SLC22A25: variants seen among roughly 807,000 people sequenced by gnomAD.
SLC22A25 encodes solute carrier family 22 member 25, also known as MGI:2442751, MGI:2385316, MGI:3042283, MGI:3645714, MGI:3605624, MGI:2442750.
Under a neutral mutation model 45.9 loss-of-function variants are expected in SLC22A25, and 44 were observed. That is an observed-to-expected ratio of 0.96 (90% CI 0.75 to 1.23). The LOEUF (loss-of-function observed/expected upper bound fraction) is 1.23. SLC22A25 is among the 50% of genes most tolerant of loss of function. The pLI, the probability that SLC22A25 is intolerant of heterozygous loss-of-function variation, is 0.00. For missense variants in SLC22A25, 800 were observed against 666.4 expected, an observed-to-expected ratio of 1.20 and a Z score of -2.21; for synonymous variants, 283 against 238.6, an observed-to-expected ratio of 1.19 and a Z score of -1.72.
In SLC22A25 at chr11:63,163,416, C is replaced by T. The variant is rs1590762945; in HGVS notation, c.*408G>A. Among the ~76,000 whole-genome samples the T allele has an allele frequency of 9.2e-5, 14 of 152,244 alleles. No homozygotes were observed. The South Asian group carries it at 2.3e-3, about 25-fold the overall frequency. ...GTGGGAGGGGCTCTTATTTTCTATA[C>T]AGTCTCTCACAAATTCTTCAGTGTC... On this transcript the variant is annotated 3_prime_UTR_variant, in exon 12 of 12. Transcript: ENST00000306494.
chr11:63,207,984 C>A (rs1238685301), intron 7 of SLC22A25: 1 of 152,262 alleles, frequency 6.6e-6, no homozygotes, highest in African/African-American at 2.4e-5. Context: ...GGATGCTAAT[C>A]TGACTGGGCC....
intron 5 of SLC22A25, chr11:63,219,952 G>A (rs2089812953): frequency 1.6e-6 from 2 of 1,289,298 alleles, no homozygotes; most frequent in Non-Finnish European, 2.0e-6. Flanking sequence ...GATGCTGGTG[G>A]ATGGCAATGG....
chr11:63,174,364 G>T (rs976129734), intron 9 of SLC22A25, among the ~76,000 whole-genome samples: 1 of 152,074 alleles, frequency 6.6e-6, no homozygotes. Flanking sequence ...GCAGAGCAAT[G>T]GTCAGGCAGG....
rs1037261664 is a variant in SLC22A25, at chr11:63,229,330, G to C, written c.323C>G (p.Thr108Arg). Reference sequence around the variant, plus strand: ...ACAGGGCTCTGTATCTGGCTCACTCGTGTTGGGGAAGGTCCCATTCAGATG... The same window carrying C: ...ACAGGGCTCTGTATCTGGCTCACTCCTGTTGGGGAAGGTCCCATTCAGATG... ...LIHLNGTFPN[T>R]SEPDTEPCVD... Residue 108 changes from threonine (T) to arginine (R), a missense_variant, in exon 4 of 12, where the codon ACG (threonine) becomes AGG (arginine). Transcript: ENST00000306494. The C allele has an allele frequency of 6.2e-7, 1 of 1,612,838 alleles. No homozygotes were observed. The highest frequency in any genetic ancestry group is 8.5e-7 in the Non-Finnish European group (1 of 1,179,260).
chr11:63,210,903 G>A (rs996218715), intron 7 of SLC22A25, among the ~76,000 whole-genome samples: 2 of 152,170 alleles, frequency 1.3e-5, no homozygotes, highest in Admixed American at 6.5e-5. Flanking sequence ...GTTAGGGAGA[G>A]ACTTACTCCA....
intron 5 of SLC22A25, among the ~76,000 whole-genome samples, chr11:63,227,669 C>T (rs576014809): frequency 3.3e-5 from 5 of 152,282 alleles, no homozygotes; most frequent in Admixed American, 3.3e-4. Flanking sequence ...CTCATTAGAT[C>T]CTGTGCTCCC....
chr11:63,166,668 T>C, intron 9 of SLC22A25: 1 of 998,532 alleles, frequency 1.0e-6, no homozygotes, highest in South Asian at 4.5e-5. Context: ...GAAGCCAAAA[T>C]TTCCATTTGC....
intron 9 of SLC22A25, 83 bp downstream of exon 9, chr11:63,180,577 T>A: frequency 1.0e-6 from 1 of 992,826 alleles, no homozygotes; most frequent in South Asian, 1.8e-5. Context: ...ATATTTTCCT[T>A]CAACATGTTG....
chr11:63,182,343 G>C (rs1483190296), intron 8 of SLC22A25, among the ~76,000 whole-genome samples: 1 of 151,670 alleles, frequency 6.6e-6, no homozygotes, highest in Non-Finnish European at 1.5e-5. Flanking sequence ...TCGTTGTTTT[G>C]AATCTCCCTG....
chr11:63,239,308 G>A (rs1256217607), intron 1 of SLC22A25, among the ~76,000 whole-genome samples, 173 bp from the exon 2 acceptor site: 1 of 152,152 alleles, frequency 6.6e-6, no homozygotes, highest in Non-Finnish European at 1.5e-5. Context: ...GGATTAGATA[G>A]CAATTTTTAT....
chr11:63,202,786 A>G (rs541946134), intron 7 of SLC22A25, among the ~76,000 whole-genome samples: 3 of 152,332 alleles, frequency 2.0e-5, no homozygotes, highest in African/African-American at 7.2e-5. Context: ...TGGATCTCCG[A>G]GCACAGTGCT....
rs114126022 is a variant in SLC22A25, at chr11:63,200,037, C to T, written c.831-16220G>A. Among the ~76,000 whole-genome samples, 1,094 of 152,084 alleles carry T rather than the reference C, an allele frequency of 7.2e-3. 9 individuals carry two copies. Among genetic ancestry groups the T allele is most frequent in the African/African-American group, 0.024 (1,004 of 41,478 alleles). On this transcript the variant is annotated intron_variant, in intron 7 of 11. Transcript: ENST00000306494. ...TCACACATAACAACCAAAAAAAGCCCAGGACCTGATGGTTTCACAGCTGAA... is the reference window on the plus strand; with the variant it reads ...TCACACATAACAACCAAAAAAAGCCTAGGACCTGATGGTTTCACAGCTGAA...
chr11:63,174,886 G>C (rs984323361), intron 9 of SLC22A25, among the ~76,000 whole-genome samples: 1 of 152,010 alleles, frequency 6.6e-6, no homozygotes, highest in Admixed American at 6.6e-5. Context: ...GGGAATTGGC[G>C]GTGTTTGTCC....
chr11:63,218,728 A>C (rs907477126), intron 5 of SLC22A25, among the ~76,000 whole-genome samples: 10 of 152,150 alleles, frequency 6.6e-5, no homozygotes, highest in Admixed American at 3.9e-4. Context: ...TAAGATTTTC[A>C]GGGGAGGGTT....
Position 63,164,599 on chromosome 11 carries a change from C to T in SLC22A25, c.1321G>A (p.Gly441Ser). ...ATGCCAAGAGAAGCAGCTCCCACAC[C>T]CAGGGTTGCCAAAACCACACGCAGG... ...QTLRVVLATL[G>S]VGAASLGITC... Residue 441 changes from glycine to serine, a missense_variant, in exon 11 of 12, where the codon GGT (glycine) becomes AGT (serine). Transcript: ENST00000306494. The T allele has an allele frequency of 6.2e-7, 1 of 1,613,766 alleles. No individual in the cohort carries two copies. Among genetic ancestry groups the T allele is most frequent in the Non-Finnish European group, 8.5e-7 (1 of 1,179,826 alleles).
chr11:63,166,323 T>C (rs560905099), intron 9 of SLC22A25, 65 bp from the exon 10 acceptor site: 2 of 1,572,458 alleles, frequency 1.3e-6, no homozygotes, highest in Non-Finnish European at 1.7e-6. Context: ...CAAATGAGAA[T>C]AATATTGGCC....
chr11:63,192,011 A>G (rs2088833876), intron 7 of SLC22A25, among the ~76,000 whole-genome samples: 1 of 152,208 alleles, frequency 6.6e-6, no homozygotes, highest in Admixed American at 6.5e-5. Context: ...CAAGAAGATC[A>G]TCTTCAAAAC....
chr11:63,170,345 C>A (rs1590780942), intron 9 of SLC22A25, among the ~76,000 whole-genome samples: 1 of 152,092 alleles, frequency 6.6e-6, no homozygotes. Flanking sequence ...GACAGAGACA[C>A]AAAACCACTC....
At chr11:63,234,759 G>T (rs1319243933) in intron 3 of SLC22A25, among the ~76,000 whole-genome samples, 1 of 152,148 alleles carries the variant, frequency 6.6e-6, no homozygotes, top group Non-Finnish European at 1.5e-5. Flanking sequence ...TTGGCATGTT[G>T]TTGCAGTGGC....
Sources: allele counts gnomAD v4.1 joint callset (sites outside exome capture counted in the v4.1 genomes callset), GRCh38; gene constraint gnomAD v4.1.1; transcripts MANE v1.5; gene names NCBI Gene and HGNC (gene_info 2026-07-23, HGNC 2026-07-21).